Variants in COL9A2 observed in about 807,000 individuals in gnomAD.
COL9A2 encodes collagen type IX alpha 2 chain.
A neutral mutation model predicts 111.6 loss-of-function variants in COL9A2; 66 were observed. That is an observed-to-expected ratio of 0.59 (90% CI 0.48 to 0.73). COL9A2 has a LOEUF of 0.73. Among genes scored for constraint, COL9A2 ranks in the 30% least tolerant of loss-of-function variants. The pLI is 0.00. For missense variants in COL9A2, 881 were observed against 954.1 expected, an observed-to-expected ratio of 0.92 and a Z score of 1.01; for synonymous variants, 353 against 364.1, an observed-to-expected ratio of 0.97 and a Z score of 0.35.
Position 40,310,916 on chromosome 1 carries a change from C to T in COL9A2, c.631-149G>A. 5 of 1,083,210 alleles carry T rather than the reference C, an allele frequency of 4.6e-6. No individual in the cohort carries two copies. The South Asian group carries it at 6.6e-5, about 14-fold the overall frequency. 67.1% of individuals were successfully genotyped at this position (1,083,210 alleles called of 1,614,324 possible). On this transcript the variant is annotated intron_variant, in intron 12 of 31. Transcript: ENST00000372748. The surrounding 1 kb of genome is among the most constrained non-coding windows in gnomAD (Gnocchi z 4.9). ...GTCCTGTGTTACAGATAGAGAAAAG[C>T]CAAGCAAGGAGACATGACCAGAGAC...
chr1:40,314,644 T>C lies in COL9A2; in HGVS notation c.151-257A>G, dbSNP rs551506478. 1.4e-4 allele frequency among the ~76,000 whole-genome samples: 21 copies of C among 152,066 alleles called. No individual in the cohort carries two copies. Among genetic ancestry groups the C allele is most frequent in the Non-Finnish European group, 2.8e-4 (19 of 68,020 alleles). The stretch of plus-strand genomic sequence containing the variant: ...AGCAACATGCAAGAAGGTACAGACA[T>C]GCTGATGTCATGAGGTGCCAGCTGT... On this transcript the variant is annotated intron_variant, in intron 2 of 31. Coordinates refer to ENST00000372748, the MANE Select transcript of COL9A2 (RefSeq NM_001852.4). The surrounding 1 kb of genome is among the most constrained non-coding windows in gnomAD (Gnocchi z 4.1).
At chr1:40,306,245 GC>G in intron 19 of COL9A2, 58 bp from the exon 20 acceptor site, 2 of 1,589,320 alleles carry the variant, frequency 1.3e-6, no homozygotes, top group Non-Finnish European at 1.7e-6. Context: ...CCATGCACCT[GC>G]TGCTTTGCTT....
rs753444465 is a variant in COL9A2, at chr1:40,303,226, A to G, written c.1549-41T>C. The G allele has an allele frequency of 2.0e-5, 32 of 1,584,088 alleles. No homozygotes were observed. In the South Asian group the frequency reaches 3.5e-4, roughly 17 times the overall value. On this transcript the variant is annotated intron_variant, in intron 28 of 31. Transcript: ENST00000372748. This position sits in a 1 kb window ranked among gnomAD's most constrained non-coding sequence, Gnocchi z 4.6. ...TTTCAGGAAGAAGCCCCTGGCTACA[A>G]GGGCCCACCGCTCCTATCCCACCTG...
At chr1:40,306,406 G>A (rs979471523) in intron 19 of COL9A2, among the ~76,000 whole-genome samples, 5 of 152,234 alleles carry the variant, frequency 3.3e-5, no homozygotes, top group Admixed American at 1.3e-4. Flanking sequence ...TGGGGTCTAC[G>A]TGGAAGAGAT....
intron 20 of COL9A2, 121 bp from the exon 21 acceptor site, chr1:40,305,889 T>C (rs1392948265): frequency 1.1e-6 from 1 of 921,726 alleles, no homozygotes; most frequent in Non-Finnish European, 1.8e-6. Context: ...GGAGAGGGTA[T>C]TCTTGGTTCA....
Position 40,316,391 on chromosome 1 carries a change from C to T in COL9A2, c.76-727G>A, listed in dbSNP as rs1442526141. Among the ~76,000 whole-genome samples, 2 of 152,184 alleles carry T rather than the reference C, an allele frequency of 1.3e-5. No homozygotes were observed. The highest frequency in any genetic ancestry group is 2.9e-5 in the Non-Finnish European group (2 of 68,028). On this transcript the variant is annotated intron_variant, in intron 1 of 31. Transcript: ENST00000372748. This position sits in a 1 kb window ranked among gnomAD's most constrained non-coding sequence, Gnocchi z 5.5. The stretch of plus-strand genomic sequence containing the variant: ...TCCCGTTTGCCTGCAATTCAATGCC[C>T]CTGGGTGGGTGTGAGGTTTCAGGGA...
Position 40,311,445 on chromosome 1 carries a change from C to CAAA in COL9A2, c.519+54_519+55insTTT. 1 of 1,555,398 alleles carries CAAA rather than the reference C, an allele frequency of 6.4e-7. No homozygotes were observed. The highest frequency in any genetic ancestry group is 8.9e-7 in the Non-Finnish European group (1 of 1,128,600). ...CCCCATCTCCGTGGCCCCGCCTCCC[C>CAAA]ATCTCTGTGGCCCCGCCCCCCTGTG... On this transcript the variant is annotated intron_variant, in intron 10 of 31. Transcript: ENST00000372748. The surrounding 1 kb of genome is among the most constrained non-coding windows in gnomAD (Gnocchi z 5.1).
In COL9A2 at chr1:40,311,921, G is replaced by A; in HGVS notation, c.417+138C>T. The A allele has an allele frequency of 9.3e-7, 1 of 1,070,860 alleles. No homozygotes were observed. The highest frequency in any genetic ancestry group is 2.6e-5 in the East Asian group (1 of 38,970). 66.3% of individuals were successfully genotyped at this position (1,070,860 alleles called of 1,614,324 possible). A position where few individuals can be genotyped will look rare whatever the true frequency, so the allele number is the denominator to read the frequency against. ...AGACCTAGTGCCGGGTGGGCTCATA[G>A]GAGGGGTTTCTGCCCCAGACCTGGA... On this transcript the variant is annotated intron_variant, in intron 8 of 31. Transcript: ENST00000372748. The surrounding 1 kb of genome is among the most constrained non-coding windows in gnomAD (Gnocchi z 5.1).
chr1:40,304,921 C>T, intron 21 of COL9A2, 74 bp from the exon 22 acceptor site: 1 of 1,351,562 alleles, frequency 7.4e-7, no homozygotes, highest in Non-Finnish European at 1.0e-6. Context: ...CCAGCCCCTC[C>T]CTACCCTGGG....
rs201176527 is a variant in COL9A2 at position 40,305,049 on chromosome 1, ATTTC to A, written c.1108-206_1108-203del. 6,340 of 360,054 alleles carry A rather than the reference ATTTC, an allele frequency of 0.018. 235 individuals carry two copies. Among genetic ancestry groups the A allele is most frequent in the African/African-American group, 0.11 (4,542 of 42,106 alleles). The allele number at this position is 360,054 out of a possible 1,614,324, so 22.3% of individuals were successfully genotyped here. A position where few individuals can be genotyped will look rare whatever the true frequency, so the allele number is the denominator to read the frequency against. ...AATTTGAATTACTTATCATGTGATC[ATTTC>A]TTTCTTTCTTTTTTTTTTTTTTTTT... On this transcript the variant is annotated intron_variant, in intron 21 of 31. Transcript: ENST00000372748.
At position 40,310,873 on chromosome 1, in the gene COL9A2, A is replaced by G. The variant is rs1292233647; in HGVS notation, c.631-106T>C. 1.9e-6 allele frequency: 2 copies of G among 1,069,556 alleles called. No homozygotes were observed. Among genetic ancestry groups the G allele is most frequent in the Non-Finnish European group, 2.8e-6 (2 of 710,498 alleles). The allele number at this position is 1,069,556 out of a possible 1,614,324, so 66.3% of individuals were successfully genotyped here. The stretch of plus-strand genomic sequence containing the variant: ...TCCCCAGCACAAGCAGACGGGAGGG[A>G]CTACTACGAACCCTACAGTCCTGTG... On this transcript the variant is annotated intron_variant, in intron 12 of 31. Transcript: ENST00000372748. The surrounding 1 kb of genome is among the most constrained non-coding windows in gnomAD (Gnocchi z 4.9).
Position 40,309,786 on chromosome 1 carries a change from TAC to T in COL9A2, c.846+150_846+151del, listed in dbSNP as rs754941456. The T allele has an allele frequency of 2.0e-3, 1,531 of 767,764 alleles. 2 individuals are homozygous for T. The highest frequency in any genetic ancestry group is 2.4e-3 in the Non-Finnish European group (1,059 of 435,344). 47.6% of individuals were successfully genotyped at this position (767,764 alleles called of 1,614,324 possible). On this transcript the variant is annotated intron_variant, in intron 16 of 31. Transcript: ENST00000372748. The stretch of plus-strand genomic sequence containing the variant: ...CACATACACTCATATACACACAGTC[TAC>T]ACACACACACACTACACACTCACAC...
intron 16 of COL9A2, 57 bp from the exon 17 acceptor site, chr1:40,308,302 T>A: frequency 9.7e-6 from 15 of 1,553,722 alleles, no homozygotes; most frequent in Non-Finnish European, 1.3e-5. Flanking sequence ...TGTCTGGCTG[T>A]GCAGAGAGGG....
In COL9A2 at chr1:40,314,861, G is replaced by GA. The variant is rs557347503; in HGVS notation, c.151-475dup. On this transcript the variant is annotated intron_variant, in intron 2 of 31. Coordinates refer to ENST00000372748, the MANE Select transcript of COL9A2 (RefSeq NM_001852.4). The surrounding 1 kb of genome is among the most constrained non-coding windows in gnomAD (Gnocchi z 4.1). ...AAGGACCAAGGGGGACTGCAAGGGG[G>GA]AAATTCAGTGTTCCCAAGGAGGGAA... is the stretch of plus-strand genomic sequence containing the variant. 4.3e-4 allele frequency among the ~76,000 whole-genome samples: 65 copies of GA among 152,290 alleles called. No homozygotes were observed. The highest frequency in any genetic ancestry group is 8.2e-4 in the Non-Finnish European group (56 of 68,008).
At chr1:40,305,589 A>G in intron 21 of COL9A2, 126 bp downstream of exon 21, 1 of 886,238 alleles carries the variant, frequency 1.1e-6, no homozygotes, top group Non-Finnish European at 1.9e-6. Context: ...GGGAGGAGAA[A>G]GAGCTTCCCT....
chr1:40,305,946 A>G (rs1644023092), intron 20 of COL9A2, among the ~76,000 whole-genome samples, 178 bp from the exon 21 acceptor site: 1 of 152,176 alleles, frequency 6.6e-6, no homozygotes, highest in South Asian at 2.1e-4. Flanking sequence ...TCTGGATTTT[A>G]AGCCATGCCA....
At position 40,305,061 on chromosome 1, in the gene COL9A2, CTTTTTTTTTTTT is replaced by C. The variant is rs869251364; in HGVS notation, c.1108-226_1108-215del. The C allele has an allele frequency of 1.3e-4, 16 of 123,656 alleles. No individual in the cohort carries two copies. In the South Asian group the frequency reaches 1.5e-3, roughly 12 times the overall value. 7.7% of individuals were successfully genotyped at this position (123,656 alleles called of 1,614,324 possible). The stretch of plus-strand genomic sequence containing the variant: ...TTATCATGTGATCATTTCTTTCTTT[CTTTTTTTTTTTT>C]TTTTTTTTTTTTGAGAGGGAGTCTT... On this transcript the variant is annotated intron_variant, in intron 21 of 31. Coordinates refer to ENST00000372748, the MANE Select transcript of COL9A2 (RefSeq NM_001852.4).
In COL9A2 at chr1:40,307,761, C is replaced by T. The variant is rs1644053330; in HGVS notation, c.901-5G>A. ...GCCGTTGATGCCTGGGGGGCCCTAC[C>T]CAGGAGGAAAGTTCAAGGGAGAGTG... is the stretch of plus-strand genomic sequence containing the variant. On this transcript the variant is annotated splice_region_variant and splice_polypyrimidine_tract_variant and intron_variant, in intron 17 of 31. Coordinates refer to ENST00000372748, the MANE Select transcript of COL9A2 (RefSeq NM_001852.4). The surrounding 1 kb of genome is among the most constrained non-coding windows in gnomAD (Gnocchi z 4.8). 1.9e-6 allele frequency: 3 copies of T among 1,614,086 alleles called. No homozygotes were observed. Among genetic ancestry groups the T allele is most frequent in the Non-Finnish European group, 1.7e-6 (2 of 1,179,994 alleles).
chr1:40,306,256 T>C, intron 19 of COL9A2, 69 bp from the exon 20 acceptor site: 1 of 1,561,394 alleles, frequency 6.4e-7, no homozygotes, highest in Non-Finnish European at 8.8e-7. Context: ...CTGCTTTGCT[T>C]CCCATCCCCA....
Sources: gnomAD v4.1 joint callset for allele counts (sites outside exome capture counted in the v4.1 genomes callset) on GRCh38, gnomAD v4.1.1 for gene constraint, Gnocchi (gnomAD v3.1) non-coding constraint, MANE v1.5 for transcripts, NCBI Gene and HGNC (gene_info 2026-07-23, HGNC 2026-07-21) for gene names.